Variants in LAMA3 observed in about 807,000 individuals in gnomAD.
LAMA3 encodes the protein laminin subunit alpha 3, also known as laminin subunit alpha-3.
Under a neutral mutation model 402.0 loss-of-function variants are expected in LAMA3, and 281 were observed. That is an observed-to-expected ratio of 0.70 (90% CI 0.63 to 0.77). LAMA3 has a LOEUF of 0.77. Ranked by LOEUF, LAMA3 falls within the 30% of genes least tolerant of loss-of-function variation. The pLI is 0.00. For synonymous variants in LAMA3, 1,431 were observed against 1,558.4 expected, an observed-to-expected ratio of 0.92 and a Z score of 1.93; for missense variants, 3,840 against 4,215.5, an observed-to-expected ratio of 0.91 and a Z score of 2.47.
intron 74 of LAMA3, among the ~76,000 whole-genome samples, chr18:23,953,325 G>GTTTTTTTTTTTGTTTTTTTTTTTT (rs1568386187): frequency 5.2e-5 from 7 of 133,952 alleles, no homozygotes; most frequent in East Asian, 2.2e-4. Flanking sequence ...CTGTAATTTT[G>GTTTTTTTTTTTGTTTTTTTTTTTT]TTTTTTTTTT....
In LAMA3 at chr18:23,773,538, C is replaced by G. The variant is rs771685397; in HGVS notation, c.1224C>G (p.Gly408=). The change falls in exon 9 of 75, where the codon GGC becomes GGG. Residue 408 remains glycine (G), a synonymous_variant. Coordinates refer to ENST00000313654, the MANE Select transcript of LAMA3 (RefSeq NM_198129.4). ...AGVNCEQCAK[G]YYRPYGVPVD... ...TAAACTGTGAACAGTGTGCTAAGGG[C>G]TATTACCGCCCTTATGGGGTTCCAG... The G allele has an allele frequency of 6.3e-7, 1 of 1,599,624 alleles. No individual in the cohort carries two copies. Among genetic ancestry groups the G allele is most frequent in the East Asian group, 2.2e-5 (1 of 44,636 alleles).
chr18:23,824,311 A>C, intron 20 of LAMA3, 112 bp from the exon 21 acceptor site: 1 of 1,033,728 alleles, frequency 9.7e-7, no homozygotes, highest in Non-Finnish European at 1.5e-6. Context: ...TGATCAGTAC[A>C]TATCATCTTA....
chr18:23,858,268 G>A (rs1365890617), intron 33 of LAMA3, among the ~76,000 whole-genome samples: 1 of 152,138 alleles, frequency 6.6e-6, no homozygotes, highest in Non-Finnish European at 1.5e-5. Context: ...AGTTTCATGA[G>A]GTTCATAGGT....
chr18:23,753,109 G>C (rs928107820), intron 5 of LAMA3, among the ~76,000 whole-genome samples: 4 of 152,164 alleles, frequency 2.6e-5, no homozygotes, highest in Admixed American at 6.5e-5. Flanking sequence ...CTGGTTTAGG[G>C]GCCAATCCTC....
At chr18:23,854,275 T>C (rs1337912926) in intron 32 of LAMA3, among the ~76,000 whole-genome samples, 2 of 152,254 alleles carry the variant, frequency 1.3e-5, no homozygotes, top group Non-Finnish European at 2.9e-5. Flanking sequence ...CCTTCCTCCT[T>C]GTCTGGACAA....
chr18:23,932,969 T>C (rs2082209518), intron 66 of LAMA3, among the ~76,000 whole-genome samples: 1 of 152,148 alleles, frequency 6.6e-6, no homozygotes, highest in African/African-American at 2.4e-5. Context: ...CTTGAACATC[T>C]AATTCAGGGA....
chr18:23,717,524 T>C (rs2061124025), intron 2 of LAMA3, among the ~76,000 whole-genome samples: 1 of 149,722 alleles, frequency 6.7e-6, no homozygotes, highest in South Asian at 2.1e-4. Context: ...AATAAAAACA[T>C]TACCTTCTGG....
chr18:23,946,225 T>G lies in LAMA3; in HGVS notation c.9292T>G (p.Ser3098Ala). ...CCGGGAGGGAAGTTTGCCTGGAAAC[T>G]CCACCATCAGCATCAGAGCGCCAGT... is the stretch of plus-strand genomic sequence containing the variant. ...RAREGSLPGNSTISIRAPVYL... is the reference protein window; with the variant it reads ...RAREGSLPGNATISIRAPVYL... Residue 3098 changes from serine (S) to alanine (A), a missense_variant, in exon 70 of 75, where the codon TCC becomes GCC. Ser to Ala is a moderately conservative substitution (Grantham distance 99). This residue lies in a region of LAMA3 where 840 missense variants were observed against 981.9 expected (regional missense o/e 0.86). Transcript: ENST00000313654. The G allele has an allele frequency of 6.2e-7, 1 of 1,614,098 alleles. No individual in the cohort carries two copies. The highest frequency in any genetic ancestry group is 8.5e-7 in the Non-Finnish European group (1 of 1,180,004).
rs767365886 is a variant in LAMA3 at position 23,954,530 on chromosome 18, T to C, written c.9884T>C (p.Val3295Ala). Residue 3295 changes from valine (V) to alanine (A), a missense_variant, in exon 75 of 75, where the codon GTG (valine) becomes GCG (alanine). Physicochemically the swap from Val to Ala is moderately conservative, Grantham distance 64. Coordinates refer to ENST00000313654, the MANE Select transcript of LAMA3 (RefSeq NM_198129.4). Reference sequence around the variant, plus strand: ...AATTTGACGACACTGAGGATCCCTGTGTGGAAATCATTCTTTGGCTGTCTG... The same window carrying C: ...AATTTGACGACACTGAGGATCCCTGCGTGGAAATCATTCTTTGGCTGTCTG... ...PANLTTLRIPVWKSFFGCLRN... is the reference protein window; with the variant it reads ...PANLTTLRIPAWKSFFGCLRN... The C allele has an allele frequency of 2.5e-6, 4 of 1,614,088 alleles. No homozygotes were observed. The South Asian group carries it at 4.4e-5, about 18-fold the overall frequency.
chr18:23,885,337 C>T (rs2065038822), intron 41 of LAMA3, among the ~76,000 whole-genome samples: 1 of 134,622 alleles, frequency 7.4e-6, no homozygotes, highest in Non-Finnish European at 1.6e-5. Context: ...CCCACCCCCC[C>T]ACCCCCACCC....
chr18:23,830,926 C>T (rs1370180581), intron 23 of LAMA3, among the ~76,000 whole-genome samples: 1 of 152,150 alleles, frequency 6.6e-6, no homozygotes. Flanking sequence ...TCAAAGCAAC[C>T]TCAAACTCCA....
intron 2 of LAMA3, among the ~76,000 whole-genome samples, chr18:23,742,650 ATGTG>A (rs141466075): frequency 0.033 from 4,927 of 147,996 alleles, 248 homozygotes; most frequent in African/African-American, 0.11. Context: ...AGAATCAAAA[ATGTG>A]TGTGTGTGTG....
intron 60 of LAMA3, among the ~76,000 whole-genome samples, 170 bp downstream of exon 60, chr18:23,916,865 C>CTT (rs869070247): frequency 7.2e-5 from 10 of 139,240 alleles, no homozygotes; most frequent in African/African-American, 2.1e-4. Context: ...GGGAAATGTA[C>CTT]TTTTTTTTTT....
chr18:23,731,917 T>C (rs914347826), intron 2 of LAMA3, among the ~76,000 whole-genome samples: 1 of 152,056 alleles, frequency 6.6e-6, no homozygotes, highest in Admixed American at 6.6e-5. Flanking sequence ...AAAGTAAAAG[T>C]TGAAATTATA....
chr18:23,810,140 A>G (rs2063039310), intron 12 of LAMA3, among the ~76,000 whole-genome samples: 2 of 152,216 alleles, frequency 1.3e-5, no homozygotes, highest in African/African-American at 4.8e-5. Flanking sequence ...AATCCTCACA[A>G]CAAGTTATCA....
chr18:23,920,241 C>T (rs1045872881), intron 60 of LAMA3, among the ~76,000 whole-genome samples: 16 of 152,112 alleles, frequency 1.1e-4, no homozygotes, highest in African/African-American at 3.1e-4. Flanking sequence ...GTAGGTCATA[C>T]GTTCTGTGTG....
At position 23,950,168 on chromosome 18, in the gene LAMA3, C is replaced by CA; in HGVS notation, c.9642+10dup. ...ACCTGGAGGCAGGAAAGGTGTGTAG[C>CA]AGTCTGATGCCATGGGGAGGGTCTG... is the stretch of plus-strand genomic sequence containing the variant. On this transcript the variant is annotated intron_variant, in intron 72 of 74. Transcript: ENST00000313654. 6.2e-7 allele frequency: 1 copy of CA among 1,613,956 alleles called. No homozygotes were observed. The highest frequency in any genetic ancestry group is 8.5e-7 in the Non-Finnish European group (1 of 1,180,010).
intron 41 of LAMA3, among the ~76,000 whole-genome samples, 191 bp from the exon 42 acceptor site, chr18:23,889,820 G>A (rs2080590241): frequency 6.6e-6 from 1 of 152,106 alleles, no homozygotes; most frequent in Non-Finnish European, 1.5e-5. Context: ...TCTTACTTCA[G>A]ATTTATTTCT....
chr18:23,865,673 G>A (rs1369368660), intron 36 of LAMA3, among the ~76,000 whole-genome samples: 1 of 152,176 alleles, frequency 6.6e-6, no homozygotes, highest in Non-Finnish European at 1.5e-5. Flanking sequence ...GGGAATGGGA[G>A]TCATGTGGTC....
Sources: gnomAD v4.1 joint callset for allele counts (sites outside exome capture counted in the v4.1 genomes callset) on GRCh38, gnomAD v4.1.1 for gene constraint, gnomAD v4.1.1 regional missense constraint, MANE v1.5 for transcripts, NCBI Gene and HGNC (gene_info 2026-07-23, HGNC 2026-07-21) for gene names.